The following MYRIP variants were observed in gnomAD, a reference collection of about 807,000 sequenced individuals.
The protein encoded by MYRIP is rab effector MyRIP.
Under a neutral mutation model 98.0 loss-of-function variants are expected in MYRIP, and 49 were observed. The ratio of observed to expected loss-of-function variants is 0.50; its 90% CI spans 0.40 to 0.63. The LOEUF (loss-of-function observed/expected upper bound fraction) is 0.63, where lower values mean the gene tolerates loss of function less well. Among genes scored for constraint, MYRIP ranks in the 30% least tolerant of loss-of-function variants. The pLI, the probability that MYRIP is intolerant of heterozygous loss-of-function variation, is 0.00. For missense variants in MYRIP, 1,004 were observed against 1,058.2 expected (o/e 0.95, Z 0.71); for synonymous variants, 404 against 409.5 (o/e 0.99, Z 0.16).
chr3:40,006,984 G>C (rs1946649309), intron 2 of MYRIP, among the ~76,000 whole-genome samples: 1 of 152,174 alleles, frequency 6.6e-6, no homozygotes, highest in Non-Finnish European at 1.5e-5. Flanking sequence ...TCAGCCTCCA[G>C]AGCAGTTATG....
At chr3:40,044,304 T>A (rs772797072) in intron 3 of MYRIP, 33 bp downstream of exon 3, 2 of 1,599,320 alleles carry the variant, frequency 1.3e-6, no homozygotes, top group South Asian at 2.2e-5. Context: ...GGGTCTACAC[T>A]GTTGATTTAG....
chr3:39,960,533 A>G (rs1207263583), intron 2 of MYRIP, among the ~76,000 whole-genome samples: 1 of 151,926 alleles, frequency 6.6e-6, no homozygotes, highest in Non-Finnish European at 1.5e-5. Flanking sequence ...GTTTTTATTC[A>G]CCAAACAGAA....
At chr3:39,973,824 C>T (rs1344870323) in intron 2 of MYRIP, among the ~76,000 whole-genome samples, 2 of 152,124 alleles carry the variant, frequency 1.3e-5, no homozygotes, top group African/African-American at 2.4e-5. Flanking sequence ...GAAATGAAGG[C>T]AGAAATAAAG....
intron 1 of MYRIP, among the ~76,000 whole-genome samples, chr3:39,881,495 T>C (rs1459938853): frequency 6.6e-6 from 1 of 152,202 alleles, no homozygotes; most frequent in African/African-American, 2.4e-5. Flanking sequence ...TTTAGTCTGC[T>C]GCTCAGGTAT....
intron 3 of MYRIP, among the ~76,000 whole-genome samples, chr3:40,096,552 A>T (rs1373465060): frequency 6.6e-6 from 1 of 152,182 alleles, no homozygotes; most frequent in Non-Finnish European, 1.5e-5. Flanking sequence ...GAAGTAAAAG[A>T]TCACTTTTAA....
chr3:39,982,317 T>G (rs549191389), intron 2 of MYRIP, among the ~76,000 whole-genome samples: 1 of 152,312 alleles, frequency 6.6e-6, no homozygotes, highest in African/African-American at 2.4e-5. Context: ...AGCCTCTGTA[T>G]GTATTGGCAG....
chr3:40,096,657 C>T lies in MYRIP; in HGVS notation c.332+52386C>T, dbSNP rs74651882. ...AGGACTCTGTGGTGGGATATCTGGA[C>T]CAGCCCCAGGGGAGCTGCTATGAGA... On this transcript the variant is annotated intron_variant, in intron 3 of 16. Transcript: ENST00000302541. Among the ~76,000 whole-genome samples, 1,101 of 152,276 alleles carry T rather than the reference C, an allele frequency of 7.2e-3. 18 individuals are homozygous for T. Among genetic ancestry groups the T allele is most frequent in the African/African-American group, 0.025 (1,042 of 41,564 alleles).
rs748235722 is a variant in MYRIP, at chr3:40,250,355, G to A, written c.2367+29G>A. 6.8e-6 allele frequency: 11 copies of A among 1,613,020 alleles called. No individual in the cohort carries two copies. In the African/African-American group the frequency reaches 8.0e-5, roughly 12 times the overall value. On this transcript the variant is annotated intron_variant, in intron 14 of 16. Coordinates refer to ENST00000302541, the MANE Select transcript of MYRIP (RefSeq NM_015460.4). ...TGTTTGTCCCTTTCTCCCTCTGTTGGAATGTTACATGGCTTGGAAAATTTA... is the reference window on the plus strand; with the variant it reads ...TGTTTGTCCCTTTCTCCCTCTGTTGAAATGTTACATGGCTTGGAAAATTTA...
At chr3:39,936,665 C>A (rs1944662334) in intron 2 of MYRIP, among the ~76,000 whole-genome samples, 1 of 152,166 alleles carries the variant, frequency 6.6e-6, no homozygotes, top group African/African-American at 2.4e-5. Context: ...GCAAATACAG[C>A]ATGCAGAAAT....
At chr3:40,144,805 A>G (rs1668069582) in intron 3 of MYRIP, among the ~76,000 whole-genome samples, 1 of 152,238 alleles carries the variant, frequency 6.6e-6, no homozygotes, top group Non-Finnish European at 1.5e-5. Flanking sequence ...TTAAAATTCT[A>G]TAGTAAAATA....
chr3:40,240,825 T>C (rs1952987172), intron 12 of MYRIP, among the ~76,000 whole-genome samples: 1 of 152,110 alleles, frequency 6.6e-6, no homozygotes, highest in Admixed American at 6.5e-5. Flanking sequence ...ACTGTACCTA[T>C]TGGGGTCTGG....
intron 2 of MYRIP, among the ~76,000 whole-genome samples, chr3:39,941,443 AAACATCCAAACTATATCGGGAGG>A (rs1199224197): frequency 1.3e-5 from 2 of 152,012 alleles, no homozygotes; most frequent in Non-Finnish European, 2.9e-5. Flanking sequence ...TGGAGAGGAC[AAACATCCAAACTATATCGGGAGG>A]AAATACAGTC....
intron 2 of MYRIP, among the ~76,000 whole-genome samples, chr3:40,032,816 C>T (rs924411745): frequency 6.6e-6 from 1 of 152,060 alleles, no homozygotes. Context: ...TGCAAAAATC[C>T]TCAATAAAAT....
At chr3:39,935,974 C>CA in intron 2 of MYRIP, among the ~76,000 whole-genome samples, 1 of 152,040 alleles carries the variant, frequency 6.6e-6, no homozygotes, top group East Asian at 1.9e-4. Flanking sequence ...ATTTCAGAAA[C>CA]AAAATAAGTC....
intron 1 of MYRIP, among the ~76,000 whole-genome samples, chr3:39,855,757 C>G (rs1298923146): frequency 6.6e-6 from 1 of 152,148 alleles, no homozygotes; most frequent in African/African-American, 2.4e-5. Flanking sequence ...GCTTTTGGAC[C>G]TTGCCTATCC....
intron 3 of MYRIP, among the ~76,000 whole-genome samples, chr3:40,147,732 T>C (rs753677126): frequency 5.3e-5 from 8 of 152,230 alleles, no homozygotes; most frequent in Non-Finnish European, 7.3e-5. Flanking sequence ...AAGCTTCTAA[T>C]AGCCTTTCCT....
intron 2 of MYRIP, among the ~76,000 whole-genome samples, chr3:39,931,982 A>T (rs1363166233): frequency 6.6e-6 from 1 of 152,060 alleles, no homozygotes; most frequent in Non-Finnish European, 1.5e-5. Flanking sequence ...TGATATCTTT[A>T]TCTGGTTTTG....
At chr3:40,131,590 T>G (rs1041736778) in intron 3 of MYRIP, among the ~76,000 whole-genome samples, 1 of 152,194 alleles carries the variant, frequency 6.6e-6, no homozygotes, top group Non-Finnish European at 1.5e-5. Flanking sequence ...TTCCTCTTAC[T>G]TGGAAAATTT....
At chr3:40,087,910 G>T (rs1485727044) in intron 3 of MYRIP, among the ~76,000 whole-genome samples, 2 of 147,982 alleles carry the variant, frequency 1.4e-5, no homozygotes, top group East Asian at 3.9e-4. Context: ...GGGGCACAAA[G>T]ATGCCTGTGC....
Sources: gnomAD v4.1 joint callset for allele counts (sites outside exome capture counted in the v4.1 genomes callset) on GRCh38, gnomAD v4.1.1 for gene constraint, MANE v1.5 for transcripts, NCBI Gene and HGNC (gene_info 2026-07-23, HGNC 2026-07-21) for gene names.